SLC2A7: variants seen among roughly 807,000 people sequenced by gnomAD.
SLC2A7 encodes solute carrier family 2 member 7.
A neutral mutation model predicts 50.5 loss-of-function variants in SLC2A7; 50 were observed. That is an observed-to-expected ratio of 0.99 (90% CI 0.79 to 1.25). The LOEUF is 1.25. Among genes scored for constraint, SLC2A7 ranks in the 50% most tolerant of loss-of-function variants. The pLI, the probability that SLC2A7 is intolerant of heterozygous loss-of-function variation, is 0.00. For synonymous variants in SLC2A7, 308 were observed against 300.4 expected, an observed-to-expected ratio of 1.03 and a Z score of -0.26; for missense variants, 683 against 679.1, an observed-to-expected ratio of 1.01 and a Z score of -0.06.
At chr1:9,025,578 C>T (rs571360994) in intron 1 of SLC2A7, among the ~76,000 whole-genome samples, 82 of 152,154 alleles carry the variant, frequency 5.4e-4, no homozygotes, top group African/African-American at 1.8e-3. Flanking sequence ...CCCTTTGAGC[C>T]GGGACCAGAA....
intron 2 of SLC2A7, among the ~76,000 whole-genome samples, chr1:9,023,948 C>T (rs943042225): frequency 1.4e-5 from 2 of 141,654 alleles, no homozygotes; most frequent in Admixed American, 7.9e-5. Flanking sequence ...CTCTGATTCC[C>T]GGGTTCAAGT....
chr1:9,013,670 G>C (rs754693952), intron 7 of SLC2A7, 35 bp from the exon 8 acceptor site: 11 of 1,578,164 alleles, frequency 7.0e-6, no homozygotes, highest in Non-Finnish European at 9.6e-6. Context: ...GGACAGGCCG[G>C]AAGACCCAGG....
In SLC2A7 at chr1:9,004,895, G is replaced by C; in HGVS notation, c.1193-16C>G. On this transcript the variant is annotated splice_polypyrimidine_tract_variant and intron_variant, in intron 10 of 11. Coordinates refer to ENST00000400906, the MANE Select transcript of SLC2A7 (RefSeq NM_207420.3). Reference sequence around the variant, plus strand: ...GGGACAGGACCTGGAGGGCAGAGCAGGATGGGTGGGGCGGAGAAGGACCCA... The same window carrying C: ...GGGACAGGACCTGGAGGGCAGAGCACGATGGGTGGGGCGGAGAAGGACCCA... 1 of 1,611,302 alleles carries C rather than the reference G, an allele frequency of 6.2e-7. No homozygotes were observed. Among genetic ancestry groups the C allele is most frequent in the African/African-American group, 1.3e-5 (1 of 75,006 alleles).
rs542793404 is a variant in SLC2A7, at chr1:9,019,721, C to G, written c.312-388G>C. Among the ~76,000 whole-genome samples the G allele has an allele frequency of 1.7e-4, 26 of 152,234 alleles. 1 individual carries two copies. In the South Asian group the frequency reaches 4.8e-3, roughly 28 times the overall value. On this transcript the variant is annotated intron_variant, in intron 3 of 11. Transcript: ENST00000400906. ...GGCGGATCACTTGAGGTCTGGAGTTCGAGACCAGCCTGGCTAACATGGTGA... is the reference window on the plus strand; with the variant it reads ...GGCGGATCACTTGAGGTCTGGAGTTGGAGACCAGCCTGGCTAACATGGTGA...
chr1:9,016,649 G>GAGGAAGGA (rs111801535), intron 5 of SLC2A7, among the ~76,000 whole-genome samples: 4 of 149,500 alleles, frequency 2.7e-5, no homozygotes, highest in South Asian at 2.2e-4. Flanking sequence ...AGAAGAGAGA[G>GAGGAAGGA]AGGAAGGAAG....
chr1:9,009,575 G>A (rs1266707549), intron 9 of SLC2A7, among the ~76,000 whole-genome samples: 1 of 152,186 alleles, frequency 6.6e-6, no homozygotes, highest in Non-Finnish European at 1.5e-5. Flanking sequence ...TCCCACCTCA[G>A]CTTCCTGAGT....
intron 7 of SLC2A7, among the ~76,000 whole-genome samples, 163 bp downstream of exon 7, chr1:9,014,518 C>T (rs1321637283): frequency 6.6e-6 from 1 of 152,176 alleles, no homozygotes; most frequent in Non-Finnish European, 1.5e-5. Flanking sequence ...AGGCAGAGCA[C>T]GGAGGCAGAG....
At chr1:9,023,190 C>G in intron 2 of SLC2A7, 112 bp from the exon 3 acceptor site, 2 of 1,107,598 alleles carry the variant, frequency 1.8e-6, no homozygotes, top group South Asian at 3.2e-5. Context: ...CTGCTAACAC[C>G]TATAAGACAC....
At chr1:9,019,790 G>A (rs888502565) in intron 3 of SLC2A7, among the ~76,000 whole-genome samples, 6 of 152,274 alleles carry the variant, frequency 3.9e-5, no homozygotes, top group Non-Finnish European at 7.4e-5. Flanking sequence ...CAGGCGTGGT[G>A]GCACATGCCT....
chr1:9,021,723 A>G (rs1640915323), intron 3 of SLC2A7, among the ~76,000 whole-genome samples: 1 of 152,134 alleles, frequency 6.6e-6, no homozygotes, highest in Non-Finnish European at 1.5e-5. Flanking sequence ...CAAAAAGACT[A>G]AGCAGCCCCG....
At chr1:9,016,663 G>C in intron 5 of SLC2A7, among the ~76,000 whole-genome samples, 1 of 149,262 alleles carries the variant, frequency 6.7e-6, no homozygotes, top group East Asian at 2.0e-4. Context: ...AAGGAAGGAA[G>C]GAAGGAAGGA....
chr1:9,017,874 T>C (rs911622616), intron 5 of SLC2A7, among the ~76,000 whole-genome samples: 5 of 152,318 alleles, frequency 3.3e-5, no homozygotes, highest in East Asian at 1.9e-4. Flanking sequence ...TTGCCCTGCA[T>C]TGACTTCCCT....
intron 1 of SLC2A7, among the ~76,000 whole-genome samples, 185 bp from the exon 2 acceptor site, chr1:9,025,259 C>T (rs1640980094): frequency 6.6e-6 from 1 of 152,208 alleles, no homozygotes; most frequent in African/African-American, 2.4e-5. Context: ...TCTCTGCACG[C>T]ATTCATTCCC....
downstream of SLC2A7, among the ~76,000 whole-genome samples, chr1:9,000,800 G>A (rs1640563791): frequency 7.0e-6 from 1 of 143,506 alleles, no homozygotes. Flanking sequence ...GTCTCCCCCT[G>A]CCCCATCACC....
At chr1:9,011,692 T>C (rs2124247936) in intron 8 of SLC2A7, among the ~76,000 whole-genome samples, 1 of 150,674 alleles carries the variant, frequency 6.6e-6, no homozygotes, top group South Asian at 2.1e-4. Flanking sequence ...CCACACTCCC[T>C]GTGATCAGCA....
chr1:9,018,655 T>C (rs1557651861), intron 4 of SLC2A7, among the ~76,000 whole-genome samples: 1 of 152,246 alleles, frequency 6.6e-6, no homozygotes, highest in African/African-American at 2.4e-5. Context: ...TAGGCCTCCG[T>C]GTGTCCCTGG....
intron 1 of SLC2A7, among the ~76,000 whole-genome samples, chr1:9,025,771 G>A (rs1374563247): frequency 6.6e-6 from 1 of 152,158 alleles, no homozygotes; most frequent in Non-Finnish European, 1.5e-5. Context: ...ACTGGCCTGA[G>A]GGCCAAAGTC....
chr1:9,009,721 G>A (rs942620100), intron 9 of SLC2A7, among the ~76,000 whole-genome samples: 13 of 152,220 alleles, frequency 8.5e-5, no homozygotes, highest in African/African-American at 2.9e-4. Context: ...GCCTCCCAAA[G>A]TGCTAGGATT....
At chr1:8,997,617 C>T in the SLC2A7 span, among the ~76,000 whole-genome samples, 2 of 152,038 alleles carry the variant, frequency 1.3e-5, no homozygotes, top group Admixed American at 6.6e-5. Flanking sequence ...CCAGGCTAGT[C>T]TCGAACTCCT....
Sources: gnomAD v4.1 joint callset for allele counts (sites outside exome capture counted in the v4.1 genomes callset) on GRCh38, gnomAD v4.1.1 for gene constraint, MANE v1.5 for transcripts, NCBI Gene and HGNC (gene_info 2026-07-23, HGNC 2026-07-21) for gene names.